The following SLC24A2 variants were observed in gnomAD, a reference collection of about 807,000 sequenced individuals.
The protein encoded by SLC24A2 is sodium/potassium/calcium exchanger 2.
SLC24A2 carries 36 observed loss-of-function variants against 62.0 expected under a neutral mutation model. The ratio of observed to expected loss-of-function variants is 0.58; its 90% CI spans 0.44 to 0.77. SLC24A2 has a LOEUF of 0.77. Ranked by LOEUF, SLC24A2 falls within the 30% of genes least tolerant of loss-of-function variation. The pLI, the probability that SLC24A2 is intolerant of heterozygous loss-of-function variation, is 0.00. For missense variants in SLC24A2, 846 were observed against 817.9 expected (o/e 1.03, Z -0.42); for synonymous variants, 358 against 294.0 (o/e 1.22, Z -2.23).
chr9:19,514,286 A>G lies in SLC24A2; in HGVS notation c.*1867T>C, dbSNP rs1563922545. 2 of 152,148 alleles carry G rather than the reference A, an allele frequency of 1.3e-5. No individual in the cohort carries two copies. The highest frequency in any genetic ancestry group is 2.9e-5 in the Non-Finnish European group (2 of 68,042). 9.4% of individuals were successfully genotyped at this position (152,148 alleles called of 1,614,324 possible). On this transcript the variant is annotated 3_prime_UTR_variant, in exon 11 of 11. Transcript: ENST00000341998. The stretch of plus-strand genomic sequence containing the variant: ...ATCCTGTCCTCTTATGTTAAGAGGT[A>G]TGTGCTCACAACAAAATCATAGCAG...
At chr9:19,955,410 G>C in the SLC24A2 span, among the ~76,000 whole-genome samples, 52 of 148,372 alleles carry the variant, frequency 3.5e-4, no homozygotes, top group East Asian at 9.8e-3. Context: ...TTTTTATTGA[G>C]ATGTTAGTAA....
the SLC24A2 span, among the ~76,000 whole-genome samples, chr9:20,064,762 T>C: frequency 6.6e-6 from 1 of 152,076 alleles, no homozygotes; most frequent in Admixed American, 6.6e-5. Flanking sequence ...AAAGCAGAAA[T>C]CAGGAAGAGC....
At chr9:19,767,620 T>C (rs1822558152) in intron 2 of SLC24A2, among the ~76,000 whole-genome samples, 1 of 152,142 alleles carries the variant, frequency 6.6e-6, no homozygotes, top group African/African-American at 2.4e-5. Flanking sequence ...GCTTACCCTC[T>C]GTGGGCTGCA....
chr9:20,050,581 CA>C, the SLC24A2 span, among the ~76,000 whole-genome samples: 1 of 152,160 alleles, frequency 6.6e-6, no homozygotes. Context: ...GCTTTTTGAA[CA>C]TCATATGACT....
chr9:19,839,394 A>T, the SLC24A2 span, among the ~76,000 whole-genome samples: 21 of 152,324 alleles, frequency 1.4e-4, no homozygotes, highest in African/African-American at 3.4e-4. Context: ...GATTTCTATT[A>T]GGTGTAATGG....
the SLC24A2 span, among the ~76,000 whole-genome samples, chr9:20,253,203 G>A: frequency 3.9e-5 from 6 of 152,174 alleles, no homozygotes; most frequent in East Asian, 7.7e-4. Context: ...AGTAGAAAGA[G>A]CACTGACCTG....
chr9:19,866,290 G>A, the SLC24A2 span, among the ~76,000 whole-genome samples: 2 of 152,180 alleles, frequency 1.3e-5, no homozygotes, highest in Admixed American at 6.5e-5. Context: ...GAACAGTTTG[G>A]AGATTCCTCA....
the SLC24A2 span, among the ~76,000 whole-genome samples, chr9:20,081,997 G>T: frequency 6.6e-6 from 1 of 152,014 alleles, no homozygotes; most frequent in Non-Finnish European, 1.5e-5. Context: ...ACCTTTCAGG[G>T]GATTCTCACT....
At chr9:19,946,358 C>A in the SLC24A2 span, among the ~76,000 whole-genome samples, 1 of 152,190 alleles carries the variant, frequency 6.6e-6, no homozygotes, top group Non-Finnish European at 1.5e-5. Context: ...ACTAAGTGTG[C>A]TCAGTGACTT....
At chr9:20,235,186 A>T in the SLC24A2 span, among the ~76,000 whole-genome samples, 1 of 152,208 alleles carries the variant, frequency 6.6e-6, no homozygotes, top group African/African-American at 2.4e-5. Context: ...GACCCACTTG[A>T]GGAGGCAGTC....
chr9:20,029,223 C>T, the SLC24A2 span, among the ~76,000 whole-genome samples: 4 of 152,198 alleles, frequency 2.6e-5, no homozygotes, highest in East Asian at 1.9e-4. Flanking sequence ...TGATACAGCC[C>T]GTGAGTCCAT....
the SLC24A2 span, among the ~76,000 whole-genome samples, chr9:19,877,284 GAC>G: frequency 3.9e-3 from 576 of 149,282 alleles, 3 homozygotes; most frequent in African/African-American, 0.013. Flanking sequence ...GAAAAGGAGA[GAC>G]AGGCTGGGAA....
chr9:19,546,745 A>AC, intron 8 of SLC24A2, among the ~76,000 whole-genome samples: 1 of 151,814 alleles, frequency 6.6e-6, no homozygotes, highest in East Asian at 1.9e-4. Flanking sequence ...GAAAAAAAAA[A>AC]ACAACACAAA....
chr9:20,298,067 G>C, the SLC24A2 span, among the ~76,000 whole-genome samples: 1 of 152,200 alleles, frequency 6.6e-6, no homozygotes, highest in Non-Finnish European at 1.5e-5. Flanking sequence ...GCAGCAGGGA[G>C]CAACAGCAGG....
chr9:19,708,957 T>G (rs12005122), intron 2 of SLC24A2, among the ~76,000 whole-genome samples: 64,770 of 151,644 alleles, frequency 0.43, 15,425 homozygotes, highest in African/African-American at 0.65. Context: ...ACTACCATCA[T>G]AGTGAATGGC....
intron 2 of SLC24A2, among the ~76,000 whole-genome samples, chr9:19,689,933 C>T (rs887594588): frequency 1.2e-4 from 18 of 152,092 alleles, no homozygotes; most frequent in Non-Finnish European, 1.9e-4. Context: ...TATGCATCAT[C>T]CAAACTACTG....
At chr9:19,526,906 G>T (rs1035044522) in intron 9 of SLC24A2, among the ~76,000 whole-genome samples, 4 of 152,170 alleles carry the variant, frequency 2.6e-5, no homozygotes, top group Admixed American at 2.0e-4. Context: ...TTGTATCAAA[G>T]AACTCTTTGC....
At chr9:19,603,179 G>A (rs137985239) in intron 4 of SLC24A2, among the ~76,000 whole-genome samples, 1,636 of 151,656 alleles carry the variant, frequency 0.011, 32 homozygotes, top group African/African-American at 0.038. Context: ...TGTGGGGGTA[G>A]GTGGATGGGG....
rs1048849801 is a variant in SLC24A2 at position 19,514,102 on chromosome 9, C to T, written c.*2051G>A. On this transcript the variant is annotated 3_prime_UTR_variant, in exon 11 of 11. Transcript: ENST00000341998. ...GATTTCTTGTTTTCCCAGGGGGCCT[C>T]GGGTTTGAAGTGCTTTTTACTTCTG... The T allele has an allele frequency of 6.6e-6, 1 of 152,138 alleles. No individual in the cohort carries two copies. Among genetic ancestry groups the T allele is most frequent in the East Asian group, 1.9e-4 (1 of 5,192 alleles). The allele number at this position is 152,138 out of a possible 1,614,324, so 9.4% of individuals were successfully genotyped here.
Sources: gnomAD v4.1 joint callset for allele counts (sites outside exome capture counted in the v4.1 genomes callset) on GRCh38, gnomAD v4.1.1 for gene constraint, MANE v1.5 for transcripts, NCBI Gene and HGNC (gene_info 2026-07-23, HGNC 2026-07-21) for gene names.